SRSF4: variants seen among roughly 807,000 people sequenced by gnomAD.
SRSF4 encodes the protein serine/arginine-rich splicing factor 4.
SRSF4 carries 12 observed loss-of-function variants against 48.8 expected under a neutral mutation model. That is an observed-to-expected ratio of 0.25 (90% CI 0.16 to 0.40). The LOEUF (loss-of-function observed/expected upper bound fraction) is 0.40, where lower values mean the gene tolerates loss of function less well. SRSF4 is among the 10% of genes least tolerant of loss of function. The pLI is 1.00. For synonymous variants in SRSF4, 248 were observed against 232.5 expected, an observed-to-expected ratio of 1.07 and a Z score of -0.61; for missense variants, 466 against 667.1, an observed-to-expected ratio of 0.70 and a Z score of 3.32.
chr1:29,168,625 C>T (rs1034603201), intron 1 of SRSF4: 1 of 152,106 alleles, frequency 6.6e-6, no homozygotes, highest in Non-Finnish European at 1.5e-5. Flanking sequence ...TGTGTGGGTT[C>T]AGAACATAAC....
chr1:29,173,648 C>T (rs1672787111), intron 1 of SRSF4, among the ~76,000 whole-genome samples: 1 of 148,500 alleles, frequency 6.7e-6, no homozygotes, highest in African/African-American at 2.5e-5. Flanking sequence ...GGGGTTTCAC[C>T]ATGCTGGCCA....
At chr1:29,180,525 T>G (rs535164775) in intron 1 of SRSF4, among the ~76,000 whole-genome samples, 3 of 152,228 alleles carry the variant, frequency 2.0e-5, no homozygotes, top group Non-Finnish European at 4.4e-5. Context: ...TAGGTAACTT[T>G]CAAAATGTTT....
At chr1:29,174,051 T>G (rs964308520) in intron 1 of SRSF4, among the ~76,000 whole-genome samples, 1 of 151,356 alleles carries the variant, frequency 6.6e-6, no homozygotes, top group African/African-American at 2.4e-5. Context: ...TAGCGGGGTG[T>G]GGTGGCAGGC....
At chr1:29,159,143 C>CCAAAT (rs1672555276) in intron 3 of SRSF4, among the ~76,000 whole-genome samples, 1 of 150,162 alleles carries the variant, frequency 6.7e-6, no homozygotes, top group Non-Finnish European at 1.5e-5. Flanking sequence ...CCAAACCAAA[C>CCAAAT]CAAACCAAAC....
At chr1:29,157,236 T>C (rs891135959) in intron 3 of SRSF4, among the ~76,000 whole-genome samples, 6 of 152,014 alleles carry the variant, frequency 3.9e-5, no homozygotes, top group African/African-American at 1.4e-4. Context: ...CTCTTGTGGC[T>C]TTGCACAATT....
At chr1:29,160,619 T>C (rs568672412) in intron 1 of SRSF4, 102 bp from the exon 2 acceptor site, 52 of 1,370,700 alleles carry the variant, frequency 3.8e-5, no homozygotes, top group Admixed American at 5.3e-5. Context: ...AAAGGTTAGG[T>C]GGATTTTGCA....
intron 1 of SRSF4, chr1:29,170,017 A>G (rs1672725495): frequency 1.3e-5 from 2 of 152,246 alleles, no homozygotes; most frequent in Non-Finnish European, 2.9e-5. Context: ...TAGTTTGTGG[A>G]TCAAACTATC....
chr1:29,170,428 A>T (rs982795743), intron 1 of SRSF4: 4 of 152,184 alleles, frequency 2.6e-5, no homozygotes, highest in Non-Finnish European at 5.9e-5. Context: ...CTTACCTCTT[A>T]AACAACACAA....
At position 29,150,111 on chromosome 1, in the gene SRSF4, A is replaced by C. The variant is rs1481113432; in HGVS notation, c.660T>G (p.Ser220=). 1 of 1,613,634 alleles carries C rather than the reference A, an allele frequency of 6.2e-7. No individual in the cohort carries two copies. Among genetic ancestry groups the C allele is most frequent in the East Asian group, 2.2e-5 (1 of 44,872 alleles). Residue 220 remains serine (S), a synonymous_variant, in exon 5 of 6, where the codon TCT becomes TCG. Transcript: ENST00000373795. ...TAACATGGAAGACATACCTGGACCG[A>C]GATCTACTCTTAGAATGACTGCTTT... ...SSKSSHSKSR[S]RSRSGSRSRS...
At chr1:29,179,079 G>A (rs1488981953) in intron 1 of SRSF4, among the ~76,000 whole-genome samples, 4 of 152,082 alleles carry the variant, frequency 2.6e-5, no homozygotes, top group African/African-American at 9.7e-5. Context: ...GGTCCTGAAA[G>A]GCTCTTTCCT....
intron 4 of SRSF4, among the ~76,000 whole-genome samples, chr1:29,153,897 G>A (rs867025647): frequency 1.4e-4 from 21 of 150,758 alleles, no homozygotes; most frequent in East Asian, 2.0e-4. Context: ...CACTGTGCCC[G>A]GCCTCTGATT....
intron 1 of SRSF4, among the ~76,000 whole-genome samples, chr1:29,177,223 T>C (rs1222969272): frequency 6.6e-6 from 1 of 152,040 alleles, no homozygotes; most frequent in Non-Finnish European, 1.5e-5. Flanking sequence ...GCTAATATTG[T>C]TGCTTCCTTG....
rs1473405258 is a variant in SRSF4 at position 29,148,367 on chromosome 1, TACAAAAG to T, written c.*36_*42del. 2 of 1,553,118 alleles carry T rather than the reference TACAAAAG, an allele frequency of 1.3e-6. No individual in the cohort carries two copies. The highest frequency in any genetic ancestry group is 2.7e-5 in the African/African-American group (2 of 73,238). ...ACTTGTGCTACGGCTACCAAACATG[TACAAAAG>T]ACTTCTCGGGTAGTTCCAGCTGTGG... On this transcript the variant is annotated 3_prime_UTR_variant, in exon 6 of 6. Transcript: ENST00000373795.
Position 29,150,197 on chromosome 1 carries a change from G to C in SRSF4, c.579-5C>G, listed in dbSNP as rs780693327. 6 of 1,613,034 alleles carry C rather than the reference G, an allele frequency of 3.7e-6. No individual in the cohort carries two copies. The South Asian group carries it at 4.4e-5, about 12-fold the overall frequency. On this transcript the variant is annotated splice_region_variant and splice_polypyrimidine_tract_variant and intron_variant, in intron 4 of 5. Coordinates refer to ENST00000373795, the MANE Select transcript of SRSF4 (RefSeq NM_005626.5). ...TGTCTGCTTCGAGAGCGAGACCTAG[G>C]GGGAGAAAATATTTTTTAATACTTG...
chr1:29,153,890 T>C (rs569379238), intron 4 of SRSF4, among the ~76,000 whole-genome samples: 5 of 150,250 alleles, frequency 3.3e-5, no homozygotes, highest in African/African-American at 7.3e-5. Flanking sequence ...CGTGAGCCAC[T>C]GTGCCCGGCC....
chr1:29,163,285 A>C (rs1558390251), intron 1 of SRSF4, among the ~76,000 whole-genome samples: 1 of 152,194 alleles, frequency 6.6e-6, no homozygotes, highest in Non-Finnish European at 1.5e-5. Context: ...AGCTGACTTG[A>C]GATTAAATTT....
chr1:29,166,482 C>T (rs919236182), intron 1 of SRSF4, among the ~76,000 whole-genome samples: 3 of 152,202 alleles, frequency 2.0e-5, no homozygotes, highest in African/African-American at 7.2e-5. Context: ...CGTTCAGGCC[C>T]TCACAGAAGA....
chr1:29,173,929 C>T (rs1012100301), intron 1 of SRSF4, among the ~76,000 whole-genome samples: 2 of 151,492 alleles, frequency 1.3e-5, no homozygotes, highest in Non-Finnish European at 2.9e-5. Context: ...TGGCTCACGC[C>T]TGTAATCCCA....
At chr1:29,158,804 C>T (rs973864708) in intron 3 of SRSF4, among the ~76,000 whole-genome samples, 23 of 152,148 alleles carry the variant, frequency 1.5e-4, no homozygotes, top group Non-Finnish European at 2.1e-4. Context: ...TGCACTCCAG[C>T]CTAGGCAACA....
Sources: allele counts gnomAD v4.1 joint callset (sites outside exome capture counted in the v4.1 genomes callset), GRCh38; gene constraint gnomAD v4.1.1; transcripts MANE v1.5; gene names NCBI Gene and HGNC (gene_info 2026-07-23, HGNC 2026-07-21).